Variants in MGLL observed in about 807,000 individuals in gnomAD.
MGLL encodes the protein lysophospholipase homolog.
A neutral mutation model predicts 29.1 loss-of-function variants in MGLL; 7 were observed. The ratio of observed to expected loss-of-function variants is 0.24; its 90% CI spans 0.14 to 0.45. The LOEUF (loss-of-function observed/expected upper bound fraction) is 0.45. Ranked by LOEUF, MGLL falls within the 20% of genes least tolerant of loss-of-function variation. MGLL has a pLI of 0.99. For missense variants in MGLL, 356 were observed against 413.6 expected (o/e 0.86, Z 1.21); for synonymous variants, 148 against 168.3 (o/e 0.88, Z 0.93).
chr3:127,780,472 G>A lies in MGLL; in HGVS notation c.262+1317C>T, dbSNP rs573126182. ...ACACAGTCCCCATACTAAAAGCCTC[G>A]GAGATGATCCTCAAATATTATTTCT... On this transcript the variant is annotated intron_variant, in intron 3 of 7. Transcript: ENST00000265052. 1.7e-3 allele frequency among the ~76,000 whole-genome samples: 259 copies of A among 152,292 alleles called. 2 individuals are homozygous for A. The highest frequency in any genetic ancestry group is 2.9e-3 in the Non-Finnish European group (196 of 68,032).
chr3:127,722,631 G>T, intron 3 of MGLL, 65 bp from the exon 4 acceptor site: 1 of 1,606,428 alleles, frequency 6.2e-7, no homozygotes, highest in Admixed American at 1.7e-5. Flanking sequence ...CAAGCCCAGA[G>T]TTCTCCTCAC....
chr3:127,769,212 G>C (rs1397753386), intron 3 of MGLL, among the ~76,000 whole-genome samples: 3 of 152,092 alleles, frequency 2.0e-5, no homozygotes, highest in Non-Finnish European at 4.4e-5. Context: ...TTAGCCAGGC[G>C]TGGTGGTGTG....
chr3:127,698,944 G>A (rs1385470366), intron 6 of MGLL, among the ~76,000 whole-genome samples: 1 of 152,256 alleles, frequency 6.6e-6, no homozygotes, highest in Non-Finnish European at 1.5e-5. Flanking sequence ...GCAGCTGGAA[G>A]CAGGAGCCCA....
chr3:127,820,612 G>A (rs1168295649), intron 2 of MGLL, among the ~76,000 whole-genome samples: 3 of 152,178 alleles, frequency 2.0e-5, no homozygotes, highest in Non-Finnish European at 2.9e-5. Context: ...AGTCAGAGTG[G>A]AGAATTAATG....
chr3:127,821,658 C>T lies in MGLL; in HGVS notation c.155+36G>A, dbSNP rs368039290. 331 of 1,612,116 alleles carry T rather than the reference C, an allele frequency of 2.1e-4. No individual in the cohort carries two copies. The African/African-American group carries it at 4.0e-3, about 19-fold the overall frequency. On this transcript the variant is annotated intron_variant, in intron 2 of 7. Transcript: ENST00000265052. Reference sequence around the variant, plus strand: ...AGAGGAGAAGCAGGGGCCATGCTCCCCTGTCACCTGGGGTGACTTTCTGGG... The same window carrying T: ...AGAGGAGAAGCAGGGGCCATGCTCCTCTGTCACCTGGGGTGACTTTCTGGG...
intron 3 of MGLL, among the ~76,000 whole-genome samples, chr3:127,762,462 T>G (rs1360327675): frequency 6.6e-6 from 1 of 152,206 alleles, no homozygotes; most frequent in Non-Finnish European, 1.5e-5. Flanking sequence ...TATTTTAAAG[T>G]TCCTTTGAGG....
intron 5 of MGLL, 113 bp from the exon 6 acceptor site, chr3:127,710,778 G>A: frequency 1.0e-6 from 1 of 992,810 alleles, no homozygotes; most frequent in South Asian, 1.4e-5. Flanking sequence ...CTGAACATCA[G>A]CCAGGTTCGT....
chr3:127,776,303 A>C (rs6766626), intron 3 of MGLL, among the ~76,000 whole-genome samples: 102,240 of 149,386 alleles, frequency 0.68, 36,854 homozygotes, highest in Middle Eastern at 0.82. Context: ...TATAAGAATC[A>C]CCTCGTGTAT....
chr3:127,731,401 A>G (rs2076147842), intron 3 of MGLL, among the ~76,000 whole-genome samples: 1 of 151,518 alleles, frequency 6.6e-6, no homozygotes, highest in Admixed American at 6.6e-5. Context: ...TGCAGACTTT[A>G]AGATATTTTT....
intron 3 of MGLL, among the ~76,000 whole-genome samples, chr3:127,760,513 A>G (rs1271591247): frequency 6.6e-6 from 1 of 152,244 alleles, no homozygotes; most frequent in African/African-American, 2.4e-5. Flanking sequence ...TCTGGGAGTC[A>G]GAGCATCTTC....
chr3:127,696,602 C>T (rs534547573), intron 6 of MGLL, among the ~76,000 whole-genome samples: 19 of 151,806 alleles, frequency 1.3e-4, no homozygotes, highest in African/African-American at 3.9e-4. Flanking sequence ...TTAGTACAGA[C>T]GGGGTTTTGC....
At chr3:127,799,985 C>T (rs530886631) in intron 2 of MGLL, among the ~76,000 whole-genome samples, 12 of 152,328 alleles carry the variant, frequency 7.9e-5, no homozygotes, top group African/African-American at 2.9e-4. Flanking sequence ...TCCCAGACTT[C>T]CCTGCAGCTA....
At chr3:127,822,098 T>G (rs886764441) in intron 1 of MGLL, 7 of 676,154 alleles carry the variant, frequency 1.0e-5, no homozygotes, top group Non-Finnish European at 1.2e-5. Context: ...CTGTGTTTAT[T>G]TTAAATCATT....
In MGLL at chr3:127,785,914, GC is replaced by G. The variant is rs556496072; in HGVS notation, c.156-4020del. ...AGGGAGCCCAACCTAGACTAGGGGA[GC>G]CCGACCTAGACTCCAGGGAATAGCC... On this transcript the variant is annotated intron_variant, in intron 2 of 7. Transcript: ENST00000265052. 2.1e-3 allele frequency among the ~76,000 whole-genome samples: 319 copies of G among 152,324 alleles called. 1 individual carries two copies. The highest frequency in any genetic ancestry group is 7.1e-3 in the African/African-American group (297 of 41,578).
At chr3:127,709,413 C>T (rs995027217) in intron 6 of MGLL, among the ~76,000 whole-genome samples, 1 of 152,144 alleles carries the variant, frequency 6.6e-6, no homozygotes. Context: ...AGCAGCTGGC[C>T]CTCAGAGGCC....
chr3:127,695,399 G>A (rs1284369882), intron 6 of MGLL, among the ~76,000 whole-genome samples: 1 of 152,216 alleles, frequency 6.6e-6, no homozygotes, highest in Non-Finnish European at 1.5e-5. Flanking sequence ...TCAGGCTTGA[G>A]GGTTTCACAT....
At chr3:127,735,714 G>C (rs1177711849) in intron 3 of MGLL, 1 of 1,597,844 alleles carries the variant, frequency 6.3e-7, no homozygotes, top group Non-Finnish European at 8.5e-7. Context: ...CCTGGCAAAA[G>C]GTGGGTTTCC....
intron 2 of MGLL, among the ~76,000 whole-genome samples, chr3:127,782,193 G>T (rs939173241): frequency 6.6e-6 from 1 of 152,154 alleles, no homozygotes. Context: ...CTGTACTCCA[G>T]CCTGGGTGAC....
chr3:127,800,337 C>T (rs1474333), intron 2 of MGLL, among the ~76,000 whole-genome samples: 25,771 of 152,156 alleles, frequency 0.17, 2,395 homozygotes, highest in South Asian at 0.26. Flanking sequence ...GCTCAGCCTG[C>T]ACCTTAACAA....
Sources: allele counts gnomAD v4.1 joint callset (sites outside exome capture counted in the v4.1 genomes callset), GRCh38; gene constraint gnomAD v4.1.1; transcripts MANE v1.5; gene names NCBI Gene and HGNC (gene_info 2026-07-23, HGNC 2026-07-21).